DCDC2: variants seen among roughly 807,000 people sequenced by gnomAD.
The protein encoded by DCDC2 is doublecortin domain-containing protein 2.
Under a neutral mutation model 50.2 loss-of-function variants are expected in DCDC2, and 40 were observed. The ratio of observed to expected loss-of-function variants is 0.80; its 90% CI spans 0.62 to 1.04. DCDC2 has a LOEUF of 1.04. DCDC2 is among the 50% of genes least tolerant of loss of function. The pLI is 0.00. For synonymous variants in DCDC2, 234 were observed against 210.6 expected (o/e 1.11, Z -0.96); for missense variants, 570 against 581.9 (o/e 0.98, Z 0.21).
At position 24,247,028 on chromosome 6, in the gene DCDC2, A is replaced by G. The variant is rs147498425; in HGVS notation, c.922+31021T>C. 1.7e-4 allele frequency among the ~76,000 whole-genome samples: 26 copies of G among 152,320 alleles called. No individual in the cohort carries two copies. The East Asian group carries it at 4.8e-3, about 28-fold the overall frequency. ...CCCAAAAGAGATGAAAACATCCTGT[A>G]AAGCAGTTTGCTAAGACTCAGGCTG... On this transcript the variant is annotated intron_variant, in intron 7 of 9. Coordinates refer to ENST00000378454, the MANE Select transcript of DCDC2 (RefSeq NM_016356.5).
At chr6:24,220,879 A>AGAGCGAGAGAGGGAGCGAGC in intron 7 of DCDC2, among the ~76,000 whole-genome samples, 3 of 106,978 alleles carry the variant, frequency 2.8e-5, no homozygotes, top group African/African-American at 1.4e-4. Flanking sequence ...CAAGAGAGCG[A>AGAGCGAGAGAGGGAGCGAGC]GAGCGAGAGA....
intron 2 of DCDC2, among the ~76,000 whole-genome samples, chr6:24,314,334 G>T (rs185195810): frequency 1.3e-5 from 2 of 152,176 alleles, no homozygotes; most frequent in East Asian, 3.9e-4. Context: ...TTAGCTAGGT[G>T]CAGTGGCTCA....
intron 7 of DCDC2, among the ~76,000 whole-genome samples, chr6:24,229,761 A>C (rs569395867): frequency 1.3e-5 from 2 of 152,188 alleles, no homozygotes; most frequent in Non-Finnish European, 2.9e-5. Flanking sequence ...GTAAATGTTT[A>C]TGCTTACATT....
intron 2 of DCDC2, chr6:24,353,259 G>T: frequency 2.1e-6 from 1 of 482,690 alleles, no homozygotes; most frequent in Non-Finnish European, 4.2e-6. Context: ...ATTTAACAAC[G>T]CTCAGAATCT....
chr6:24,333,516 T>G (rs4504468), intron 2 of DCDC2, among the ~76,000 whole-genome samples: 85,184 of 152,052 alleles, frequency 0.56, 25,628 homozygotes, highest in Middle Eastern at 0.67. Flanking sequence ...CTATCTCTAG[T>G]GCAGCCTGAT....
intron 7 of DCDC2, among the ~76,000 whole-genome samples, chr6:24,271,207 CAAAAAAAA>C (rs543819229): frequency 2.5e-5 from 1 of 39,406 alleles, no homozygotes; most frequent in South Asian, 2.1e-3. Context: ...GACACTCCCT[CAAAAAAAA>C]AAAAAAAAAA....
At chr6:24,209,283 C>T (rs561710211) in intron 7 of DCDC2, among the ~76,000 whole-genome samples, 1 of 152,254 alleles carries the variant, frequency 6.6e-6, no homozygotes, top group East Asian at 1.9e-4. Context: ...TTACCATATT[C>T]CCTTTATTAC....
chr6:24,180,031 C>G (rs1448463046), intron 8 of DCDC2, among the ~76,000 whole-genome samples: 1 of 151,448 alleles, frequency 6.6e-6, no homozygotes, highest in Non-Finnish European at 1.5e-5. Context: ...GGAGAAAAAC[C>G]CAGGTTCAAG....
chr6:24,353,824 C>G (rs981047036), intron 1 of DCDC2, among the ~76,000 whole-genome samples: 9 of 152,072 alleles, frequency 5.9e-5, no homozygotes, highest in African/African-American at 2.2e-4. Context: ...ATATGTCTAC[C>G]CTAAACTTCA....
chr6:24,229,749 C>A (rs1199729615), intron 7 of DCDC2, among the ~76,000 whole-genome samples: 4 of 152,190 alleles, frequency 2.6e-5, no homozygotes, highest in African/African-American at 7.2e-5. Context: ...TGGAGATACA[C>A]TGTAAATGTT....
intron 7 of DCDC2, among the ~76,000 whole-genome samples, chr6:24,263,135 C>G (rs1245151102): frequency 6.6e-6 from 1 of 152,226 alleles, no homozygotes; most frequent in Non-Finnish European, 1.5e-5. Context: ...GACAGTGCTT[C>G]CACGCATCTG....
At chr6:24,358,071 G>A, upstream of DCDC2, 2 of 853,212 alleles carry the variant, frequency 2.3e-6, no homozygotes, top group East Asian at 2.8e-5. Flanking sequence ...AGCAGGAGCC[G>A]GAAACGCGCG....
intron 2 of DCDC2, among the ~76,000 whole-genome samples, chr6:24,352,655 G>A (rs1474484788): frequency 6.6e-6 from 1 of 152,046 alleles, no homozygotes; most frequent in East Asian, 1.9e-4. Flanking sequence ...TTTCTAGAGG[G>A]GCCTATTTGG....
chr6:24,180,099 T>C (rs531263049), intron 8 of DCDC2, among the ~76,000 whole-genome samples: 5 of 152,176 alleles, frequency 3.3e-5, no homozygotes, highest in African/African-American at 4.8e-5. Context: ...GATTCCCCAT[T>C]TGTAAAATGG....
chr6:24,277,146 C>T (rs1434939875), intron 7 of DCDC2, among the ~76,000 whole-genome samples: 2 of 152,176 alleles, frequency 1.3e-5, no homozygotes, highest in African/African-American at 2.4e-5. Context: ...TCTAATGTAA[C>T]TCTTCATATC....
chr6:24,257,843 T>C (rs2113803655), intron 7 of DCDC2, among the ~76,000 whole-genome samples: 1 of 152,248 alleles, frequency 6.6e-6, no homozygotes, highest in South Asian at 2.1e-4. Context: ...TGCAGTAGTC[T>C]GCATTAAAAA....
At chr6:24,253,129 T>C (rs1227326865) in intron 7 of DCDC2, among the ~76,000 whole-genome samples, 2 of 151,350 alleles carry the variant, frequency 1.3e-5, no homozygotes, top group African/African-American at 4.9e-5. Context: ...TTCCAGAAGA[T>C]AGAAAAAGAG....
intron 8 of DCDC2, among the ~76,000 whole-genome samples, chr6:24,179,876 C>T (rs1431095526): frequency 6.9e-6 from 1 of 145,706 alleles, no homozygotes; most frequent in African/African-American, 2.5e-5. Context: ...ATTGCATGAA[C>T]CCGGGAGGCA....
At chr6:24,296,519 C>G (rs1759246532) in intron 4 of DCDC2, among the ~76,000 whole-genome samples, 1 of 152,104 alleles carries the variant, frequency 6.6e-6, no homozygotes, top group Non-Finnish European at 1.5e-5. Flanking sequence ...AAACTATCAA[C>G]AGAGTAAACA....
Sources: allele counts gnomAD v4.1 joint callset (sites outside exome capture counted in the v4.1 genomes callset), GRCh38; gene constraint gnomAD v4.1.1; transcripts MANE v1.5; gene names NCBI Gene and HGNC (gene_info 2026-07-23, HGNC 2026-07-21).